RIMS3: variants seen among roughly 807,000 people sequenced by gnomAD.
RIMS3 encodes the protein regulating synaptic membrane exocytosis 3.
A neutral mutation model predicts 29.2 loss-of-function variants in RIMS3; 15 were observed. The observed-to-expected ratio is 0.51, with a 90% confidence interval of 0.34 to 0.79. RIMS3 has a LOEUF of 0.79. RIMS3 is among the 30% of genes least tolerant of loss of function. RIMS3 has a pLI of 0.01. For missense variants in RIMS3, 342 were observed against 421.4 expected (o/e 0.81, Z 1.65); for synonymous variants, 161 against 170.1 (o/e 0.95, Z 0.41).
At chr1:40,633,239 A>G (rs775519505) in intron 4 of RIMS3, 58 bp from the exon 5 acceptor site, 73 of 1,385,950 alleles carry the variant, frequency 5.3e-5, no homozygotes, top group Non-Finnish European at 7.2e-5. Context: ...GGATGAAAGT[A>G]TAGCTGGCAG....
At position 40,641,801 on chromosome 1, in the gene RIMS3, G is replaced by T; in HGVS notation, c.125C>A (p.Ala42Asp). The change falls in exon 3 of 8, where the codon GCC becomes GAC. Residue 42 changes from alanine (A) to aspartate (D), a missense_variant. Physicochemically the swap from Ala to Asp is moderately radical, Grantham distance 126 (BLOSUM62 -2). Transcript: ENST00000372684. Reference sequence around the variant, plus strand: ...ACCCAGGCTGCTCCGCCGCTTCTTGGCGGTGGTGGTCCCAGCCCCGCCCCC... The same window carrying T: ...ACCCAGGCTGCTCCGCCGCTTCTTGTCGGTGGTGGTCCCAGCCCCGCCCCC... ...QAGGGAGTTTAKKRRSSLGAK... is the reference protein window; with the variant it reads ...QAGGGAGTTTDKKRRSSLGAK... The T allele has an allele frequency of 1.2e-6, 2 of 1,612,682 alleles. No homozygotes were observed. The highest frequency in any genetic ancestry group is 8.5e-7 in the Non-Finnish European group (1 of 1,178,752).
the RIMS3 span, among the ~76,000 whole-genome samples, chr1:40,674,225 C>G: frequency 6.6e-6 from 1 of 152,178 alleles, no homozygotes; most frequent in Non-Finnish European, 1.5e-5. Context: ...TACGACATGT[C>G]TGCTGAATAA....
upstream of RIMS3, among the ~76,000 whole-genome samples, chr1:40,667,702 C>T (rs938170000): frequency 2.6e-5 from 4 of 152,036 alleles, no homozygotes; most frequent in Admixed American, 1.3e-4. Flanking sequence ...TTGTCTTACC[C>T]GATACTAAAA....
rs1317938502 is a variant in RIMS3 at position 40,623,208 on chromosome 1, C to T, written c.*3309G>A. ...CTGCATCCCAAGAGCCTCCTAAGTGCTCCTTTCCTAGTAGAATTGGGTGGT... is the reference window on the plus strand; with the variant it reads ...CTGCATCCCAAGAGCCTCCTAAGTGTTCCTTTCCTAGTAGAATTGGGTGGT... On this transcript the variant is annotated 3_prime_UTR_variant, in exon 8 of 8. Transcript: ENST00000372684. 1.0e-5 allele frequency: 4 copies of T among 390,950 alleles called. No individual in the cohort carries two copies. Among genetic ancestry groups the T allele is most frequent in the Non-Finnish European group, 1.8e-5 (4 of 221,944 alleles). 24.2% of individuals were successfully genotyped at this position (390,950 alleles called of 1,614,324 possible).
chr1:40,685,066 C>G, the RIMS3 span, among the ~76,000 whole-genome samples: 1 of 151,792 alleles, frequency 6.6e-6, no homozygotes, highest in African/African-American at 2.4e-5. Context: ...GCCAAATTAC[C>G]CTGAGAGGCT....
the RIMS3 span, among the ~76,000 whole-genome samples, chr1:40,680,679 T>C: frequency 6.6e-6 from 1 of 152,186 alleles, no homozygotes; most frequent in South Asian, 2.1e-4. Flanking sequence ...TATGTGTATA[T>C]GATTGAAACA....
chr1:40,640,356 A>C (rs898851647), intron 3 of RIMS3, among the ~76,000 whole-genome samples: 4 of 151,938 alleles, frequency 2.6e-5, no homozygotes, highest in African/African-American at 9.7e-5. Context: ...CCCCACCTAT[A>C]ATAGCTTTCC....
upstream of RIMS3, among the ~76,000 whole-genome samples, chr1:40,669,989 C>G (rs990701512): frequency 6.6e-6 from 1 of 152,158 alleles, no homozygotes; most frequent in Non-Finnish European, 1.5e-5. Flanking sequence ...GGTTCACCCA[C>G]TTCTCTCCAT....
At chr1:40,685,458 A>G in the RIMS3 span, among the ~76,000 whole-genome samples, 1 of 151,204 alleles carries the variant, frequency 6.6e-6, no homozygotes, top group African/African-American at 2.4e-5. Context: ...CGCAGGCCTG[A>G]CCCTGAGTGA....
the RIMS3 span, among the ~76,000 whole-genome samples, chr1:40,687,819 T>C: frequency 6.6e-6 from 1 of 152,148 alleles, no homozygotes; most frequent in African/African-American, 2.4e-5. Flanking sequence ...CCTACATGTC[T>C]TCCCTAATTT....
chr1:40,672,487 C>T, the RIMS3 span, among the ~76,000 whole-genome samples: 6 of 152,242 alleles, frequency 3.9e-5, no homozygotes, highest in South Asian at 4.1e-4. Flanking sequence ...CGTGAGCCAC[C>T]GTGCCTGGCC....
intron 1 of RIMS3, among the ~76,000 whole-genome samples, chr1:40,652,905 A>G (rs1046759541): frequency 6.6e-6 from 1 of 152,180 alleles, no homozygotes; most frequent in African/African-American, 2.4e-5. Context: ...GCGAAGAGGA[A>G]ACGGGGCCAG....
chr1:40,633,251 C>T, intron 4 of RIMS3, 70 bp from the exon 5 acceptor site: 1 of 1,249,702 alleles, frequency 8.0e-7, no homozygotes, highest in Non-Finnish European at 1.2e-6. Flanking sequence ...AGCTGGCAGG[C>T]TGCCATGCTC....
At chr1:40,672,372 G>C in the RIMS3 span, among the ~76,000 whole-genome samples, 1 of 151,972 alleles carries the variant, frequency 6.6e-6, no homozygotes, top group Non-Finnish European at 1.5e-5. Context: ...CTAATTTTTT[G>C]TATTTTTAGT....
At chr1:40,688,602 C>CT in the RIMS3 span, among the ~76,000 whole-genome samples, 1 of 152,164 alleles carries the variant, frequency 6.6e-6, no homozygotes, top group Non-Finnish European at 1.5e-5. Flanking sequence ...AATTCTGTCC[C>CT]TATCGCCAAG....
chr1:40,659,541 T>C (rs1015129079), intron 1 of RIMS3, among the ~76,000 whole-genome samples: 19 of 152,186 alleles, frequency 1.2e-4, no homozygotes, highest in African/African-American at 4.6e-4. Flanking sequence ...CAGCTCACTG[T>C]GTACCTACTA....
intron 4 of RIMS3, among the ~76,000 whole-genome samples, chr1:40,634,543 T>C (rs1237461313): frequency 6.6e-6 from 1 of 152,214 alleles, no homozygotes; most frequent in Non-Finnish European, 1.5e-5. Flanking sequence ...CACCACTTAA[T>C]AGCTGTGACC....
In RIMS3 at chr1:40,620,934, G is replaced by A. The variant is rs1288461935; in HGVS notation, c.*5583C>T. 1 of 152,610 alleles carries A rather than the reference G, an allele frequency of 6.6e-6. No individual in the cohort carries two copies. The highest frequency in any genetic ancestry group is 1.5e-5 in the Non-Finnish European group (1 of 68,054). The allele number at this position is 152,610 out of a possible 1,614,324, so 9.5% of individuals were successfully genotyped here. ...ACAGTGTGCTTGTCAGTCCCTATCAGCTATCTCTCTCTTTGCAGGATGCAT... is the reference window on the plus strand; with the variant it reads ...ACAGTGTGCTTGTCAGTCCCTATCAACTATCTCTCTCTTTGCAGGATGCAT... On this transcript the variant is annotated 3_prime_UTR_variant, in exon 8 of 8. Transcript: ENST00000372684.
At chr1:40,682,741 C>CTGTTTTTTTTTTTTTTTTTTTTT in the RIMS3 span, among the ~76,000 whole-genome samples, 1 of 77,514 alleles carries the variant, frequency 1.3e-5, no homozygotes, top group African/African-American at 5.5e-5. Flanking sequence ...CTTTGCAGAT[C>CTGTTTTTTTTTTTTTTTTTTTTT]TTTTTTTTTT....
Sources: gnomAD v4.1 joint callset for allele counts (sites outside exome capture counted in the v4.1 genomes callset) on GRCh38, gnomAD v4.1.1 for gene constraint, MANE v1.5 for transcripts, NCBI Gene and HGNC (gene_info 2026-07-23, HGNC 2026-07-21) for gene names.